Variants in ACBD5 observed in about 807,000 individuals in gnomAD.
ACBD5 encodes acyl-CoA binding domain containing 5.
A neutral mutation model predicts 71.8 loss-of-function variants in ACBD5; 40 were observed. That is an observed-to-expected ratio of 0.56 (90% confidence interval 0.43 to 0.72). ACBD5 has a LOEUF of 0.72. Ranked by LOEUF, ACBD5 falls within the 30% of genes least tolerant of loss-of-function variation. The pLI is 0.00. For synonymous variants in ACBD5, 229 were observed against 218.6 expected (o/e 1.05, Z -0.42); for missense variants, 559 against 644.5 (o/e 0.87, Z 1.44).
intron 13 of ACBD5, chr10:27,186,740 A>G: frequency 1.7e-6 from 1 of 577,492 alleles, no homozygotes. Flanking sequence ...AAAACTGTAT[A>G]TAAATCTTCA....
chr10:27,185,762 G>A (rs935945312), intron 13 of ACBD5, among the ~76,000 whole-genome samples: 18 of 149,096 alleles, frequency 1.2e-4, no homozygotes, highest in Middle Eastern at 3.4e-3. Flanking sequence ...ACTCCAGATT[G>A]GGCACTGGAG....
intron 5 of ACBD5, among the ~76,000 whole-genome samples, chr10:27,222,504 T>G (rs913554214): frequency 4.6e-5 from 7 of 152,208 alleles, no homozygotes; most frequent in Non-Finnish European, 8.8e-5. Flanking sequence ...TTAACTGTCT[T>G]GCATTAGCTT....
chr10:27,214,889 C>T (rs12217860), intron 8 of ACBD5, among the ~76,000 whole-genome samples: 79,721 of 151,922 alleles, frequency 0.52, 23,678 homozygotes, highest in Non-Finnish European at 0.67. Flanking sequence ...TTAGGTTGGG[C>T]ACAATGCCTC....
At chr10:27,194,637 A>AATAATG (rs1265350941), downstream of ACBD5, among the ~76,000 whole-genome samples, 1 of 139,968 alleles carries the variant, frequency 7.1e-6, no homozygotes, top group Non-Finnish European at 1.5e-5. Context: ...TAATAATAAT[A>AATAATG]ATAATAATAA....
chr10:27,242,047 G>C (rs1333338593), upstream of ACBD5: 1 of 453,692 alleles, frequency 2.2e-6, no homozygotes, highest in East Asian at 7.0e-5. Flanking sequence ...GAGCCGCGGC[G>C]CCGGCATTTA....
At chr10:27,185,110 C>T (rs1285181764) in intron 13 of ACBD5, among the ~76,000 whole-genome samples, 1 of 152,054 alleles carries the variant, frequency 6.6e-6, no homozygotes, top group Non-Finnish European at 1.5e-5. Flanking sequence ...TTGAAGTCAC[C>T]ATGAAGGATA....
At chr10:27,219,299 T>A (rs2062036237) in intron 6 of ACBD5, among the ~76,000 whole-genome samples, 1 of 119,906 alleles carries the variant, frequency 8.3e-6, no homozygotes, top group Non-Finnish European at 1.7e-5. Context: ...AGAGCGAGAC[T>A]CTATCTCATA....
intron 8 of ACBD5, among the ~76,000 whole-genome samples, chr10:27,215,055 T>C (rs1381795122): frequency 1.3e-5 from 2 of 152,002 alleles, no homozygotes; most frequent in Non-Finnish European, 1.5e-5. Context: ...TCCCAGCTAC[T>C]TGGGAGGCTG....
chr10:27,185,009 G>A (rs532753591), intron 13 of ACBD5, among the ~76,000 whole-genome samples: 1 of 152,308 alleles, frequency 6.6e-6, no homozygotes, highest in East Asian at 1.9e-4. Flanking sequence ...TAAGCTAGAA[G>A]TCAATATGTT....
chr10:27,200,431 C>T (rs1192548077), intron 12 of ACBD5, among the ~76,000 whole-genome samples: 1 of 152,046 alleles, frequency 6.6e-6, no homozygotes, highest in Non-Finnish European at 1.5e-5. Flanking sequence ...TATTCTATCC[C>T]TCTACTTTCT....
intron 12 of ACBD5, among the ~76,000 whole-genome samples, chr10:27,204,199 A>G (rs972595188): frequency 1.3e-5 from 2 of 151,730 alleles, no homozygotes; most frequent in African/African-American, 4.8e-5. Context: ...GGTTGCCTAA[A>G]TCAAAGGTGT....
At chr10:27,186,808 T>A (rs2058786543) in intron 13 of ACBD5, 1 of 428,966 alleles carries the variant, frequency 2.3e-6, no homozygotes, top group Non-Finnish European at 4.3e-6. Flanking sequence ...GAAGCATCAA[T>A]AAAATTAGAG....
chr10:27,197,686 T>C (rs1176757466), intron 12 of ACBD5, among the ~76,000 whole-genome samples: 1 of 152,182 alleles, frequency 6.6e-6, no homozygotes, highest in East Asian at 1.9e-4. Context: ...TGCTCTGTCG[T>C]CCAGGCTGGA....
At chr10:27,194,440 G>A (rs7079282), downstream of ACBD5, among the ~76,000 whole-genome samples, 75,755 of 149,648 alleles carry the variant, frequency 0.51, 21,402 homozygotes, top group Non-Finnish European at 0.64. Flanking sequence ...GCAAAACCCC[G>A]TCTCTACTAA....
chr10:27,205,345 GTTT>G, intron 10 of ACBD5, 97 bp from the exon 11 acceptor site: 2 of 1,211,428 alleles, frequency 1.7e-6, no homozygotes, highest in Admixed American at 3.5e-5. Flanking sequence ...AAATATTGAG[GTTT>G]TTTTTGGTTG....
downstream of ACBD5, chr10:27,195,072 C>A (rs909753825): frequency 3.9e-6 from 1 of 256,488 alleles, no homozygotes; most frequent in South Asian, 4.0e-5. Flanking sequence ...AATTTCATCC[C>A]AGTTTCTGAT....
intron 6 of ACBD5, among the ~76,000 whole-genome samples, chr10:27,219,021 G>C (rs1304595005): frequency 6.6e-6 from 1 of 152,076 alleles, no homozygotes; most frequent in Non-Finnish European, 1.5e-5. Flanking sequence ...ATGCCTGTAG[G>C]CCGGGTGCGA....
At chr10:27,190,377 C>T (rs2059029463), downstream of ACBD5, among the ~76,000 whole-genome samples, 2 of 152,138 alleles carry the variant, frequency 1.3e-5, no homozygotes, top group South Asian at 4.1e-4. Flanking sequence ...TTTATCTTGG[C>T]CCACCTATGT....
Position 27,197,387 on chromosome 10 carries a change from T to C in ACBD5, c.*43A>G. On this transcript the variant is annotated 3_prime_UTR_variant, in exon 13 of 13. Coordinates refer to ENST00000396271, the MANE Select transcript of ACBD5 (RefSeq NM_145698.5). ...CACCACAATCCAGTTCATTCTGAGG[T>C]CATCCAGTTCCAGTAGTCTTCTTGA... is the stretch of plus-strand genomic sequence containing the variant. 6.3e-7 allele frequency: 1 copy of C among 1,594,044 alleles called. No individual in the cohort carries two copies. Among genetic ancestry groups the C allele is most frequent in the African/African-American group, 1.3e-5 (1 of 74,660 alleles).
Sources: gnomAD v4.1 joint callset for allele counts (sites outside exome capture counted in the v4.1 genomes callset) on GRCh38, gnomAD v4.1.1 for gene constraint, MANE v1.5 for transcripts, NCBI Gene and HGNC (gene_info 2026-07-23, HGNC 2026-07-21) for gene names.